The following KALRN variants were observed in gnomAD, a reference collection of about 807,000 sequenced individuals.
KALRN encodes the protein kalirin.
Under a neutral mutation model 353.7 loss-of-function variants are expected in KALRN, and 70 were observed. The observed-to-expected ratio is 0.20, with a 90% confidence interval of 0.16 to 0.24. The LOEUF is 0.24. Among genes scored for constraint, KALRN ranks in the 10% least tolerant of loss-of-function variants. The pLI, the probability that KALRN is intolerant of heterozygous loss-of-function variation, is 1.00. For missense variants in KALRN, 2,791 were observed against 3,756.7 expected (o/e 0.74, Z 6.72); for synonymous variants, 1,391 against 1,434.8 (o/e 0.97, Z 0.69).
At chr3:124,543,304 CTTT>C (rs869114594) in intron 33 of KALRN, among the ~76,000 whole-genome samples, 3 of 141,956 alleles carry the variant, frequency 2.1e-5, no homozygotes, top group Non-Finnish European at 3.1e-5. Context: ...AATTTACGGA[CTTT>C]TTTTTTTTTT....
At chr3:124,149,226 A>G (rs1222058867) in intron 1 of KALRN, among the ~76,000 whole-genome samples, 1 of 152,184 alleles carries the variant, frequency 6.6e-6, no homozygotes, top group Non-Finnish European at 1.5e-5. Context: ...CAGAACTTGT[A>G]TGTCTCATAA....
At chr3:124,612,197 T>A (rs573805042) in intron 34 of KALRN, among the ~76,000 whole-genome samples, 10 of 152,114 alleles carry the variant, frequency 6.6e-5, no homozygotes, top group African/African-American at 1.9e-4. Context: ...GCTAATTTTT[T>A]AATTTTTTTA....
chr3:124,599,444 A>G (rs2076587071), intron 34 of KALRN, among the ~76,000 whole-genome samples: 1 of 152,156 alleles, frequency 6.6e-6, no homozygotes, highest in African/African-American at 2.4e-5. Context: ...GATCCAGATT[A>G]AAAGAACCAG....
At chr3:124,122,772 C>T (rs191519333) in intron 1 of KALRN, among the ~76,000 whole-genome samples, 71 of 152,184 alleles carry the variant, frequency 4.7e-4, no homozygotes, top group Admixed American at 5.2e-4. Context: ...TTCCCTGAGA[C>T]GCAATAATAT....
At chr3:124,653,923 A>G (rs1192772771) in intron 38 of KALRN, among the ~76,000 whole-genome samples, 4 of 152,224 alleles carry the variant, frequency 2.6e-5, no homozygotes, top group Non-Finnish European at 4.4e-5. Flanking sequence ...TTAATACGTC[A>G]TGGTCTCCTT....
intron 1 of KALRN, among the ~76,000 whole-genome samples, chr3:124,064,803 C>T (rs1045749524): frequency 6.6e-6 from 1 of 152,176 alleles, no homozygotes; most frequent in Non-Finnish European, 1.5e-5. Flanking sequence ...CTTGATACCC[C>T]TTGAGCTACA....
chr3:124,458,878 G>A (rs2059588785), intron 23 of KALRN, among the ~76,000 whole-genome samples: 1 of 152,212 alleles, frequency 6.6e-6, no homozygotes, highest in African/African-American at 2.4e-5. Context: ...AGGTTGCCAT[G>A]AGCCAAAATT....
At chr3:124,244,667 T>C (rs2080901112) in intron 3 of KALRN, among the ~76,000 whole-genome samples, 1 of 152,234 alleles carries the variant, frequency 6.6e-6, no homozygotes, top group Non-Finnish European at 1.5e-5. Context: ...TAGTGTGTCT[T>C]GGGATGCATC....
chr3:124,536,597 C>G (rs570188974), intron 33 of KALRN, among the ~76,000 whole-genome samples: 1 of 152,300 alleles, frequency 6.6e-6, no homozygotes, highest in African/African-American at 2.4e-5. Context: ...TTACTTTGTA[C>G]AGAAAAAGAT....
chr3:124,554,911 A>G (rs1352495890), intron 33 of KALRN, among the ~76,000 whole-genome samples: 1 of 152,178 alleles, frequency 6.6e-6, no homozygotes, highest in African/African-American at 2.4e-5. Context: ...GAATGATTCT[A>G]AAATCTCCCT....
At chr3:124,602,946 T>G (rs77109219) in intron 34 of KALRN, among the ~76,000 whole-genome samples, 4 of 151,522 alleles carry the variant, frequency 2.6e-5, no homozygotes, top group African/African-American at 7.3e-5. Flanking sequence ...CGTGGTTTTT[T>G]TTTTGTTGTT....
At chr3:124,626,306 G>C (rs991735268) in intron 34 of KALRN, among the ~76,000 whole-genome samples, 3 of 152,108 alleles carry the variant, frequency 2.0e-5, no homozygotes, top group Non-Finnish European at 4.4e-5. Context: ...TTTGATGAGG[G>C]CAATTAGAGA....
chr3:124,491,100 C>T (rs1180496292), intron 30 of KALRN, among the ~76,000 whole-genome samples: 1 of 152,048 alleles, frequency 6.6e-6, no homozygotes, highest in African/African-American at 2.4e-5. Context: ...CTTTTAGCAC[C>T]TCCCTCTTCA....
rs1197056043 is a variant in KALRN at position 124,436,395 on chromosome 3, T to C, written c.3048+1870T>C. On this transcript the variant is annotated intron_variant, in intron 17 of 59. Coordinates refer to ENST00000682506, the MANE Select transcript of KALRN (RefSeq NM_001388419.1). Reference sequence around the variant, plus strand: ...ATCATGGGACAGATCTCAAGTACTCTTTTTCTTAAAGTTTTTACATGTCTT... The same window carrying C: ...ATCATGGGACAGATCTCAAGTACTCCTTTTCTTAAAGTTTTTACATGTCTT... 3.3e-5 allele frequency among the ~76,000 whole-genome samples: 5 copies of C among 152,248 alleles called. No homozygotes were observed. The East Asian group carries it at 5.8e-4, about 18-fold the overall frequency.
chr3:124,541,375 A>T (rs2069008153), intron 33 of KALRN, among the ~76,000 whole-genome samples: 1 of 151,902 alleles, frequency 6.6e-6, no homozygotes, highest in African/African-American at 2.4e-5. Context: ...GCTTGAACCC[A>T]GGAGGCGGAG....
At chr3:124,697,764 TTAAAACATTTATTTTTAAAATTGCAG>T in intron 55 of KALRN, 40 bp downstream of exon 55, 1 of 1,460,838 alleles carries the variant, frequency 6.8e-7, no homozygotes, top group East Asian at 2.6e-5. Flanking sequence ...TTCTCTTCTT[TTAAAACATTTATTTTTAAAATTGCAG>T]TAAAACACAC....
chr3:124,077,601 C>T (rs1483129948), intron 1 of KALRN, among the ~76,000 whole-genome samples: 3 of 152,220 alleles, frequency 2.0e-5, no homozygotes, highest in Non-Finnish European at 4.4e-5. Flanking sequence ...CTTCTCAGCT[C>T]TGAATCCCCT....
At chr3:124,659,499 A>T (rs1167254637) in intron 43 of KALRN, 42 bp downstream of exon 43, 2 of 1,362,708 alleles carry the variant, frequency 1.5e-6, no homozygotes, top group East Asian at 2.3e-5. Flanking sequence ...AGAAGGATCC[A>T]TCAGGCTCAG....
chr3:124,273,102 G>A (rs867606157), intron 5 of KALRN, among the ~76,000 whole-genome samples: 2 of 152,346 alleles, frequency 1.3e-5, no homozygotes, highest in Middle Eastern at 6.8e-3. Context: ...CAGGGTGACA[G>A]CTTGTTCCCA....
Sources: gnomAD v4.1 joint callset for allele counts (sites outside exome capture counted in the v4.1 genomes callset) on GRCh38, gnomAD v4.1.1 for gene constraint, MANE v1.5 for transcripts, NCBI Gene and HGNC (gene_info 2026-07-23, HGNC 2026-07-21) for gene names.